Variants in PDS5A observed in about 807,000 individuals in gnomAD.
PDS5A encodes the protein PDS5 cohesin associated factor A, also known as sister chromatid cohesion protein PDS5 homolog A.
A neutral mutation model predicts 167.1 loss-of-function variants in PDS5A; 42 were observed. The observed-to-expected ratio is 0.25, with a 90% CI of 0.20 to 0.33. PDS5A has a LOEUF of 0.33. Ranked by LOEUF, PDS5A falls within the 10% of genes least tolerant of loss-of-function variation. The pLI, the probability that PDS5A is intolerant of heterozygous loss-of-function variation, is 1.00. For missense variants in PDS5A, 1,033 were observed against 1,605.9 expected, an observed-to-expected ratio of 0.64 and a Z score of 6.10; for synonymous variants, 553 against 554.6, an observed-to-expected ratio of 1.00 and a Z score of 0.04.
chr4:39,929,743 T>G (rs1725836167), intron 2 of PDS5A, among the ~76,000 whole-genome samples: 1 of 148,642 alleles, frequency 6.7e-6, no homozygotes, highest in Non-Finnish European at 1.5e-5. Flanking sequence ...GTGTAAAATT[T>G]TATTATTATT....
At chr4:39,910,190 C>T in intron 10 of PDS5A, 54 bp downstream of exon 10, 2 of 903,490 alleles carry the variant, frequency 2.2e-6, no homozygotes, top group Non-Finnish European at 3.6e-6. Context: ...CAAGTCATAT[C>T]TACAATATAG....
At chr4:39,906,826 T>A (rs1198230764) in intron 11 of PDS5A, among the ~76,000 whole-genome samples, 1 of 150,892 alleles carries the variant, frequency 6.6e-6, no homozygotes, top group East Asian at 1.9e-4. Flanking sequence ...TTTTTTTGTA[T>A]CATTTTCTCA....
intron 12 of PDS5A, among the ~76,000 whole-genome samples, chr4:39,903,630 C>T (rs1007667554): frequency 1.3e-5 from 2 of 152,136 alleles, no homozygotes; most frequent in African/African-American, 4.8e-5. Flanking sequence ...GGCTAGGATG[C>T]TTTATATTCA....
At position 39,848,701 on chromosome 4, in the gene PDS5A, G is replaced by C. The variant is rs1167309432; in HGVS notation, c.3339+150C>G. The C allele has an allele frequency of 6.2e-6, 4 of 645,122 alleles. No individual in the cohort carries two copies. The Admixed American group carries it at 1.0e-4, about 16-fold the overall frequency. The allele number at this position is 645,122 out of a possible 1,614,324, so 40.0% of individuals were successfully genotyped here. A position where few individuals can be genotyped will look rare whatever the true frequency, so the allele number is the denominator to read the frequency against. On this transcript the variant is annotated intron_variant, in intron 28 of 32. Transcript: ENST00000303538. ...TGTTCAAGTCAGAATAATGTTCAGG[G>C]CTGTGTAAGACAATTTCCCACTCTT...
At chr4:39,840,221 T>C (rs1363489162) in intron 31 of PDS5A, among the ~76,000 whole-genome samples, 1 of 152,126 alleles carries the variant, frequency 6.6e-6, no homozygotes, top group Non-Finnish European at 1.5e-5. Context: ...AAGTCAGATA[T>C]GTGTGATGCT....
intron 26 of PDS5A, among the ~76,000 whole-genome samples, chr4:39,857,276 C>T (rs906996570): frequency 1.3e-5 from 2 of 149,958 alleles, no homozygotes; most frequent in African/African-American, 4.9e-5. Flanking sequence ...GGCGTGAACC[C>T]GGGAGGCGGA....
intron 2 of PDS5A, among the ~76,000 whole-genome samples, chr4:39,939,954 A>G (rs957690732): frequency 7.9e-5 from 12 of 152,270 alleles, no homozygotes; most frequent in Non-Finnish European, 1.8e-4. Context: ...AAAAATAAAT[A>G]AAACTAGAAA....
chr4:39,859,597 G>C (rs189613331), intron 26 of PDS5A, among the ~76,000 whole-genome samples: 1 of 152,324 alleles, frequency 6.6e-6, no homozygotes, highest in East Asian at 1.9e-4. Flanking sequence ...GAAGTAGGGG[G>C]AGAAGAACTA....
chr4:39,878,366 C>A (rs183736170), intron 18 of PDS5A, among the ~76,000 whole-genome samples: 1 of 152,162 alleles, frequency 6.6e-6, no homozygotes, highest in East Asian at 1.9e-4. Context: ...GAGGCCGAAG[C>A]GGGCTGATCA....
At chr4:39,904,260 T>G in intron 11 of PDS5A, 69 bp from the exon 12 acceptor site, 1 of 1,133,174 alleles carries the variant, frequency 8.8e-7, no homozygotes, top group Non-Finnish European at 1.3e-6. Flanking sequence ...AAGACTGCCT[T>G]GGCTTCATTA....
intron 27 of PDS5A, 64 bp downstream of exon 27, chr4:39,849,456 A>AAAC: frequency 1.7e-6 from 2 of 1,142,900 alleles, no homozygotes; most frequent in Non-Finnish European, 2.5e-6. Flanking sequence ...AAAAAAAAAA[A>AAAC]CCAAGTGGGA....
chr4:39,845,766 G>A (rs1309093508), intron 29 of PDS5A, 52 bp downstream of exon 29: 2 of 1,353,892 alleles, frequency 1.5e-6, no homozygotes, highest in East Asian at 3.1e-5. Flanking sequence ...AGGAATAGCA[G>A]AAGCAAGATA....
intron 23 of PDS5A, among the ~76,000 whole-genome samples, chr4:39,865,166 T>C (rs763805808): frequency 1.1e-4 from 17 of 152,174 alleles, no homozygotes; most frequent in South Asian, 4.1e-4. Flanking sequence ...AAAAGAGGTA[T>C]TGATTAAGTT....
At position 39,879,815 on chromosome 4, in the gene PDS5A, C is replaced by T; in HGVS notation, c.1905G>A (p.Met635Ile). The change falls in exon 18 of 33, where the codon ATG becomes ATA. Residue 635 changes from methionine (M) to isoleucine (I), a missense_variant. Around this residue, in one of 4 missense-constraint regions of PDS5A, gnomAD observed 367 missense variants for 686.7 expected, o/e 0.53. Transcript: ENST00000303538. ...SEAISALVKL[M>I]NKSIEGTADD... ...CTGCTGTCCCCTCTATTGACTTATT[C>T]ATCAATTTCACTAGTGCACTATAAA... The T allele has an allele frequency of 6.2e-7, 1 of 1,605,646 alleles. No individual in the cohort carries two copies. The highest frequency in any genetic ancestry group is 8.5e-7 in the Non-Finnish European group (1 of 1,172,520).
intron 22 of PDS5A, 128 bp from the exon 23 acceptor site, chr4:39,867,125 G>A: frequency 1.5e-6 from 1 of 681,200 alleles, no homozygotes; most frequent in Non-Finnish European, 2.4e-6. Context: ...AAGTCTATGG[G>A]ATAATAACAG....
intron 17 of PDS5A, among the ~76,000 whole-genome samples, chr4:39,881,426 T>G (rs1447014591): frequency 9.9e-5 from 15 of 152,078 alleles, no homozygotes; most frequent in Non-Finnish European, 2.1e-4. Flanking sequence ...AAGTTTAAAC[T>G]AAGTTTAGCA....
At chr4:39,909,246 C>T (rs1294476029) in intron 10 of PDS5A, among the ~76,000 whole-genome samples, 3 of 151,760 alleles carry the variant, frequency 2.0e-5, no homozygotes, top group Non-Finnish European at 4.4e-5. Context: ...GTACCTCAGC[C>T]TCCGATTAGC....
intron 7 of PDS5A, among the ~76,000 whole-genome samples, chr4:39,917,507 GT>G (rs1724500108): frequency 6.6e-6 from 1 of 152,080 alleles, no homozygotes; most frequent in Admixed American, 6.6e-5. Flanking sequence ...AGTCTGTGTA[GT>G]TCATTACAAA....
intron 2 of PDS5A, among the ~76,000 whole-genome samples, chr4:39,972,317 C>A (rs989919592): frequency 6.6e-6 from 1 of 151,954 alleles, no homozygotes; most frequent in Non-Finnish European, 1.5e-5. Flanking sequence ...GTCAAGAGTT[C>A]GAGACCAGCC....
Sources: allele counts gnomAD v4.1 joint callset (sites outside exome capture counted in the v4.1 genomes callset), GRCh38; gene constraint gnomAD v4.1.1; regional missense constraint gnomAD v4.1.1; transcripts MANE v1.5; gene names NCBI Gene and HGNC (gene_info 2026-07-23, HGNC 2026-07-21).